Variants in SEMA3D observed in about 807,000 individuals in gnomAD.
SEMA3D encodes the protein semaphorin 3D, also known as semaphorin-3D.
A neutral mutation model predicts 100.1 loss-of-function variants in SEMA3D; 84 were observed. The observed-to-expected ratio is 0.84, with a 90% CI of 0.70 to 1.01. The LOEUF (loss-of-function observed/expected upper bound fraction) is 1.01, where lower values mean the gene tolerates loss of function less well. Ranked by LOEUF, SEMA3D falls within the 50% of genes least tolerant of loss-of-function variation. The pLI is 0.00. For synonymous variants in SEMA3D, 312 were observed against 320.7 expected, an observed-to-expected ratio of 0.97 and a Z score of 0.29; for missense variants, 875 against 934.1, an observed-to-expected ratio of 0.94 and a Z score of 0.82.
At chr7:85,020,198 C>T in intron 14 of SEMA3D, 35 bp downstream of exon 14, 2 of 1,438,046 alleles carry the variant, frequency 1.4e-6, no homozygotes, top group Non-Finnish European at 2.0e-6. Flanking sequence ...TCAGTTTCAA[C>T]ATCTTTTCTC....
At chr7:85,226,818 C>A in the SEMA3D span, among the ~76,000 whole-genome samples, 2 of 152,098 alleles carry the variant, frequency 1.3e-5, no homozygotes, top group African/African-American at 4.8e-5. Flanking sequence ...TTACTGATTA[C>A]AAGGCAGATA....
chr7:85,031,449 A>G (rs1404934595), intron 12 of SEMA3D, among the ~76,000 whole-genome samples: 11 of 152,026 alleles, frequency 7.2e-5, no homozygotes, highest in Non-Finnish European at 1.6e-4. Flanking sequence ...AGTAAGAGAA[A>G]TGGTAAGTGT....
chr7:85,121,147 T>A (rs1034089191), intron 3 of SEMA3D, among the ~76,000 whole-genome samples: 1 of 152,128 alleles, frequency 6.6e-6, no homozygotes, highest in Non-Finnish European at 1.5e-5. Context: ...TAAAAACTAT[T>A]TGGGCGTGAA....
intron 4 of SEMA3D, among the ~76,000 whole-genome samples, chr7:85,086,631 CGTGTGTGTGTGT>C (rs58818289): frequency 7.1e-4 from 100 of 140,926 alleles, no homozygotes; most frequent in Admixed American, 2.4e-3. Flanking sequence ...TCTCTCTCTC[CGTGTGTGTGTGT>C]GTGTGTGTGT....
chr7:85,178,438 G>A (rs1791301116), intron 1 of SEMA3D, among the ~76,000 whole-genome samples: 1 of 152,178 alleles, frequency 6.6e-6, no homozygotes, highest in Admixed American at 6.5e-5. Flanking sequence ...GGCTGAGGTG[G>A]TTTTAGATGG....
At chr7:85,216,297 A>G in the SEMA3D span, among the ~76,000 whole-genome samples, 1 of 152,028 alleles carries the variant, frequency 6.6e-6, no homozygotes, top group Non-Finnish European at 1.5e-5. Flanking sequence ...TCTTTCAAGT[A>G]AAAATAATTT....
At chr7:85,178,809 A>G (rs1490816987) in intron 1 of SEMA3D, among the ~76,000 whole-genome samples, 1 of 152,196 alleles carries the variant, frequency 6.6e-6, no homozygotes, top group Non-Finnish European at 1.5e-5. Context: ...CCTTCCTGTC[A>G]CAGGCCTGGA....
chr7:85,030,199 A>ATT (rs34800712), intron 12 of SEMA3D, among the ~76,000 whole-genome samples: 27,371 of 147,588 alleles, frequency 0.19, 3,100 homozygotes, highest in East Asian at 0.42. Flanking sequence ...TTCACCACCT[A>ATT]TTTTTTTTTT....
In SEMA3D at chr7:85,160,060, A is replaced by G. The variant is rs547842792; in HGVS notation, c.-172-6321T>C. The G allele has an allele frequency of 9.6e-6, 9 of 934,140 alleles. No homozygotes were observed. In the South Asian group the frequency reaches 4.0e-4, roughly 41 times the overall value. The allele number at this position is 934,140 out of a possible 1,614,324, so 57.9% of individuals were successfully genotyped here. ...GAACTGTTATTTTATTGAACTGCAA[A>G]CAGTAATACTGAAAATAATATATAT... On this transcript the variant is annotated intron_variant, in intron 1 of 18. Coordinates refer to ENST00000284136, the MANE Select transcript of SEMA3D (RefSeq NM_001384900.1).
chr7:85,018,140 T>C (rs1790155199), intron 15 of SEMA3D, 112 bp downstream of exon 15: 1 of 732,230 alleles, frequency 1.4e-6, no homozygotes, highest in African/African-American at 1.8e-5. Context: ...AATAATGTTT[T>C]AAATTTCTTA....
At chr7:84,999,991 C>T (rs1289189778) in intron 18 of SEMA3D, 126 bp from the exon 19 acceptor site, 12 of 776,566 alleles carry the variant, frequency 1.5e-5, no homozygotes, top group Non-Finnish European at 2.4e-5. Flanking sequence ...CTGTCTCTGT[C>T]ATCAAGCATA....
chr7:85,193,598 T>C, the SEMA3D span, among the ~76,000 whole-genome samples: 2 of 152,000 alleles, frequency 1.3e-5, no homozygotes, highest in Non-Finnish European at 2.9e-5. Flanking sequence ...ACTTTGCAAG[T>C]AGAAAATATT....
intron 4 of SEMA3D, among the ~76,000 whole-genome samples, chr7:85,092,235 T>C (rs2116287892): frequency 6.6e-6 from 1 of 152,166 alleles, no homozygotes; most frequent in Non-Finnish European, 1.5e-5. Context: ...GTGATCTGTC[T>C]CATTATTTTG....
At chr7:85,053,934 T>C (rs752894624) in intron 9 of SEMA3D, among the ~76,000 whole-genome samples, 1 of 150,634 alleles carries the variant, frequency 6.6e-6, no homozygotes, top group Non-Finnish European at 1.5e-5. Flanking sequence ...TGTGTGTGTA[T>C]GTGTGTGTGT....
chr7:85,164,422 G>A (rs996470249), intron 1 of SEMA3D, among the ~76,000 whole-genome samples: 1 of 152,192 alleles, frequency 6.6e-6, no homozygotes, highest in African/African-American at 2.4e-5. Flanking sequence ...CAGATAGAGA[G>A]CATTTTTGAG....
Position 85,012,856 on chromosome 7 carries a change from G to C in SEMA3D, c.1704-10C>G, listed in dbSNP as rs1338073229. The C allele has an allele frequency of 1.2e-6, 2 of 1,608,146 alleles. No homozygotes were observed. The highest frequency in any genetic ancestry group is 1.7e-6 in the Non-Finnish European group (2 of 1,175,748). On this transcript the variant is annotated splice_polypyrimidine_tract_variant and intron_variant, in intron 16 of 18. Transcript: ENST00000284136. ...TTGGCGTCTAGCTCTCCTGCGGAAA[G>C]GGGATTAAACTTATTAGAACTTCAA...
chr7:85,140,615 T>C (rs1790019186), intron 2 of SEMA3D: 2 of 929,030 alleles, frequency 2.2e-6, no homozygotes, highest in South Asian at 5.0e-5. Flanking sequence ...ATAATAATCA[T>C]ATTATTTACT....
At chr7:85,006,677 A>C (rs1260102546) in intron 18 of SEMA3D, 125 bp downstream of exon 18, 1 of 714,620 alleles carries the variant, frequency 1.4e-6, no homozygotes, top group Non-Finnish European at 2.1e-6. Flanking sequence ...GGTGTTAGTG[A>C]GTAAAACCTG....
chr7:85,183,061 C>T (rs1161799843), intron 1 of SEMA3D, among the ~76,000 whole-genome samples: 2 of 152,042 alleles, frequency 1.3e-5, no homozygotes, highest in East Asian at 3.9e-4. Context: ...ACAAACAACC[C>T]GAAGACATAA....
Sources: allele counts gnomAD v4.1 joint callset (sites outside exome capture counted in the v4.1 genomes callset), GRCh38; gene constraint gnomAD v4.1.1; transcripts MANE v1.5; gene names NCBI Gene and HGNC (gene_info 2026-07-23, HGNC 2026-07-21).